JPH2: variants seen among roughly 807,000 people sequenced by gnomAD.
JPH2 encodes the protein junctophilin 2.
Under a neutral mutation model 55.9 loss-of-function variants are expected in JPH2, and 38 were observed. The ratio of observed to expected loss-of-function variants is 0.68; its 90% confidence interval spans 0.52 to 0.89. The LOEUF is 0.89. Among genes scored for constraint, JPH2 ranks in the 40% least tolerant of loss-of-function variants. The pLI, the probability that JPH2 is intolerant of heterozygous loss-of-function variation, is 0.00. For synonymous variants in JPH2, 480 were observed against 472.4 expected (o/e 1.02, Z -0.21); for missense variants, 964 against 1,037.6 (o/e 0.93, Z 0.97).
chr20:44,154,739 G>A (rs141504723), intron 2 of JPH2, among the ~76,000 whole-genome samples: 1 of 152,320 alleles, frequency 6.6e-6, no homozygotes, highest in Non-Finnish European at 1.5e-5. Context: ...GAAGCCCCAG[G>A]GATGGGGAGA....
chr20:44,114,980 T>C (rs2072176462), intron 4 of JPH2, 104 bp from the exon 5 acceptor site: 1 of 848,718 alleles, frequency 1.2e-6, no homozygotes. Context: ...TGGATGGACC[T>C]TCCTAAGAGC....
intron 2 of JPH2, among the ~76,000 whole-genome samples, chr20:44,138,749 T>G (rs929929720): frequency 6.6e-6 from 1 of 152,150 alleles, no homozygotes; most frequent in African/African-American, 2.4e-5. Context: ...TTCTTTTTCT[T>G]CTTCTTTTTC....
intron 3 of JPH2, 93 bp from the exon 4 acceptor site, chr20:44,116,479 G>A (rs2072194053): frequency 7.1e-7 from 1 of 1,405,368 alleles, no homozygotes; most frequent in African/African-American, 1.4e-5. Context: ...CCTCATTCAT[G>A]GGCTCAGTCG....
intron 2 of JPH2, among the ~76,000 whole-genome samples, chr20:44,137,146 T>A (rs936621966): frequency 3.3e-5 from 5 of 152,188 alleles, no homozygotes; most frequent in Non-Finnish European, 7.3e-5. Flanking sequence ...TTGTTATCAC[T>A]ACTTAGCGGA....
At chr20:44,120,387 G>GCTTA (rs1555853871) in intron 2 of JPH2, among the ~76,000 whole-genome samples, 3 of 152,154 alleles carry the variant, frequency 2.0e-5, no homozygotes, top group Non-Finnish European at 4.4e-5. Context: ...TGTCAGCTTA[G>GCTTA]CTTAACTCAC....
Position 44,114,810 on chromosome 20 carries a change from G to C in JPH2, c.2077C>G (p.His693Asp). 2.5e-6 allele frequency: 4 copies of C among 1,605,900 alleles called. No individual in the cohort carries two copies. The highest frequency in any genetic ancestry group is 3.4e-6 in the Non-Finnish European group (4 of 1,176,900). The change falls in exon 5 of 6, where the codon CAC becomes GAC. Residue 693 changes from histidine to aspartate, a missense_variant. Transcript: ENST00000372980. ...GTAAGCGACGGTCAGGTCAGGAGGT[G>C]AACAAAGAGGATGGCCAGGCCGATG... is the stretch of plus-strand genomic sequence containing the variant. The part of the protein sequence containing the change: ...LNIGLAILFV[H>D]LLT
intron 1 of JPH2, among the ~76,000 whole-genome samples, chr20:44,184,392 A>C (rs2072814136): frequency 1.3e-5 from 2 of 152,168 alleles, no homozygotes; most frequent in Non-Finnish European, 2.9e-5. Flanking sequence ...AATTTAAAGC[A>C]ACTTTTTAAA....
intron 1 of JPH2, chr20:44,177,597 C>T (rs1422540294): frequency 2.6e-5 from 30 of 1,168,670 alleles, no homozygotes; most frequent in Admixed American, 1.2e-4. Context: ...CTGACTGTCA[C>T]GCTGATGCCT....
chr20:44,134,745 A>C (rs1488883379), intron 2 of JPH2, among the ~76,000 whole-genome samples: 2 of 54,978 alleles, frequency 3.6e-5, no homozygotes, highest in African/African-American at 1.4e-4. Context: ...ATATATAAAG[A>C]TATATTTATT....
At chr20:44,177,845 CT>C (rs1464851447) in intron 1 of JPH2, 53 of 1,604,832 alleles carry the variant, frequency 3.3e-5, no homozygotes, top group Non-Finnish European at 4.3e-6. Flanking sequence ...TTAATTCACC[CT>C]TTGGAATGTG....
chr20:44,138,228 G>A (rs143533342), intron 2 of JPH2, among the ~76,000 whole-genome samples: 3,527 of 151,598 alleles, frequency 0.023, 46 homozygotes, highest in Non-Finnish European at 0.034. Context: ...GGCTGGTCTC[G>A]AACTCCTGAC....
intron 2 of JPH2, among the ~76,000 whole-genome samples, chr20:44,126,279 T>G (rs2072276754): frequency 6.6e-6 from 1 of 151,766 alleles, no homozygotes; most frequent in Non-Finnish European, 1.5e-5. Flanking sequence ...TGCCACTGAA[T>G]TGTTCACTTT....
At position 44,155,221 on chromosome 20, in the gene JPH2, C is replaced by T. The variant is rs1043203868; in HGVS notation, c.1169+4397G>A. ...AGCTCGCATACTCCTTCTAACCACC[C>T]TATGAGGAAAGAGGATCCCAGGGTC... On this transcript the variant is annotated intron_variant, in intron 2 of 5. Transcript: ENST00000372980. 2.6e-5 allele frequency among the ~76,000 whole-genome samples: 4 copies of T among 152,274 alleles called. No individual in the cohort carries two copies. In the South Asian group the frequency reaches 8.3e-4, roughly 32 times the overall value.
At chr20:44,122,225 G>A (rs2072242512) in intron 2 of JPH2, among the ~76,000 whole-genome samples, 1 of 152,168 alleles carries the variant, frequency 6.6e-6, no homozygotes, top group African/African-American at 2.4e-5. Context: ...TGAATACATG[G>A]CTGAAGGCAC....
Position 44,112,365 on chromosome 20 carries a change from T to C in JPH2, c.*1153A>G, listed in dbSNP as rs1259457044. 7 of 152,264 alleles carry C rather than the reference T, an allele frequency of 4.6e-5. No individual in the cohort carries two copies. Among genetic ancestry groups the C allele is most frequent in the Admixed American group, 3.3e-4 (5 of 15,282 alleles). 9.4% of individuals were successfully genotyped at this position (152,264 alleles called of 1,614,324 possible). A position where few individuals can be genotyped will look rare whatever the true frequency, so the allele number is the denominator to read the frequency against. ...CAGGAAGCACAAGGGCCCAGAGACC[T>C]AGTGTGGTACAAAACATCTTTAAGT... On this transcript the variant is annotated 3_prime_UTR_variant, in exon 6 of 6. Transcript: ENST00000372980.
intron 2 of JPH2, among the ~76,000 whole-genome samples, chr20:44,135,950 A>G (rs1357191307): frequency 6.6e-6 from 1 of 152,210 alleles, no homozygotes; most frequent in Admixed American, 6.5e-5. Flanking sequence ...GTGCTTGTAC[A>G]TATCATGTCA....
rs1041871525 is a variant in JPH2 at position 44,106,780 on chromosome 20, G to A, written c.*6738C>T. On this transcript the variant is annotated 3_prime_UTR_variant, in exon 6 of 6. Coordinates refer to ENST00000372980, the MANE Select transcript of JPH2 (RefSeq NM_020433.5). ...GAGACTTATTCACTACCACGAGAAC[G>A]GCACGGGAAAGGCTTGCCCCCATGA... 2.6e-5 allele frequency among the ~76,000 whole-genome samples: 4 copies of A among 151,954 alleles called. No homozygotes were observed. The highest frequency in any genetic ancestry group is 4.8e-5 in the African/African-American group (2 of 41,370).
intron 1 of JPH2, among the ~76,000 whole-genome samples, chr20:44,185,901 G>A (rs1600482463): frequency 6.6e-6 from 1 of 152,228 alleles, no homozygotes; most frequent in South Asian, 2.1e-4. Context: ...TGGATGGGTG[G>A]ATGGATGGAT....
At position 44,186,521 on chromosome 20, in the gene JPH2, C is replaced by A. The variant is rs1361417534; in HGVS notation, c.185G>T (p.Gly62Val). 1.9e-6 allele frequency: 3 copies of A among 1,613,700 alleles called. No individual in the cohort carries two copies. Among genetic ancestry groups the A allele is most frequent in the Non-Finnish European group, 2.5e-6 (3 of 1,179,746 alleles). Residue 62 changes from glycine to valine, a missense_variant, in exon 1 of 6, where the codon GGA becomes GTA. Physicochemically the swap from Gly to Val is moderately radical, Grantham distance 109. Transcript: ENST00000372980. The stretch of plus-strand genomic sequence containing the variant: ...ATGCCGTTTGCCCTGGCTCCAGTAT[C>A]CCTCAAAGGTGTTTCCGCTGGGCCA... ...YTWPSGNTFE[G>V]YWSQGKRHGL...
Sources: allele counts gnomAD v4.1 joint callset (sites outside exome capture counted in the v4.1 genomes callset), GRCh38; gene constraint gnomAD v4.1.1; transcripts MANE v1.5; gene names NCBI Gene and HGNC (gene_info 2026-07-23, HGNC 2026-07-21).